BMP2K: variants seen among roughly 807,000 people sequenced by gnomAD.
BMP2K encodes the protein BMP2 inducible kinase.
Under a neutral mutation model 116.0 loss-of-function variants are expected in BMP2K, and 74 were observed. The ratio of observed to expected loss-of-function variants is 0.64; its 90% CI spans 0.53 to 0.77. The LOEUF (loss-of-function observed/expected upper bound fraction) is 0.77. BMP2K is among the 30% of genes least tolerant of loss of function. The pLI, the probability that BMP2K is intolerant of heterozygous loss-of-function variation, is 0.00. For missense variants in BMP2K, 1,365 were observed against 1,403.6 expected (o/e 0.97, Z 0.44); for synonymous variants, 486 against 502.5 (o/e 0.97, Z 0.44).
At chr4:78,801,805 A>G (rs1168200162) in intron 1 of BMP2K, among the ~76,000 whole-genome samples, 2 of 152,146 alleles carry the variant, frequency 1.3e-5, no homozygotes. Flanking sequence ...TCTCCTCTTG[A>G]GAGGATATGC....
At chr4:78,846,619 CTTA>C (rs1298594387) in intron 5 of BMP2K, among the ~76,000 whole-genome samples, 2 of 151,422 alleles carry the variant, frequency 1.3e-5, no homozygotes, top group East Asian at 3.9e-4. Flanking sequence ...TTCCAAATAG[CTTA>C]TTATGGCAGT....
At chr4:78,826,265 G>T in intron 2 of BMP2K, 110 bp downstream of exon 2, 2 of 768,046 alleles carry the variant, frequency 2.6e-6, no homozygotes, top group Non-Finnish European at 4.3e-6. Context: ...GCAGTGGCGT[G>T]ATCTCAGCTC....
intron 15 of BMP2K, among the ~76,000 whole-genome samples, chr4:78,897,187 G>C (rs951706527): frequency 7.0e-6 from 1 of 142,138 alleles, no homozygotes; most frequent in African/African-American, 3.1e-5. Context: ...TTAAGAAAAT[G>C]TTTTTTTGAT....
At chr4:78,786,037 C>T (rs952866482) in intron 1 of BMP2K, among the ~76,000 whole-genome samples, 1 of 152,158 alleles carries the variant, frequency 6.6e-6, no homozygotes, top group African/African-American at 2.4e-5. Flanking sequence ...ACTCTTACTC[C>T]CTACTTATAT....
chr4:78,884,427 G>A (rs1007342453), intron 14 of BMP2K, among the ~76,000 whole-genome samples: 2 of 152,148 alleles, frequency 1.3e-5, no homozygotes, highest in African/African-American at 4.8e-5. Context: ...TCAAGTCTAC[G>A]GTTGGGTCCA....
At chr4:78,820,181 A>C (rs1729546113) in intron 1 of BMP2K, among the ~76,000 whole-genome samples, 1 of 152,214 alleles carries the variant, frequency 6.6e-6, no homozygotes, top group Admixed American at 6.5e-5. Flanking sequence ...TATTTGGTAA[A>C]ATGCCATCAG....
At chr4:78,910,081 C>CA (rs1553922430) in intron 15 of BMP2K, among the ~76,000 whole-genome samples, 1 of 152,054 alleles carries the variant, frequency 6.6e-6, no homozygotes, top group Non-Finnish European at 1.5e-5. Context: ...TTGGTGAGGC[C>CA]ATTCATGCTA....
intron 15 of BMP2K, among the ~76,000 whole-genome samples, chr4:78,903,899 T>C (rs1577978874): frequency 6.6e-6 from 1 of 152,102 alleles, no homozygotes; most frequent in East Asian, 1.9e-4. Context: ...AGTTTAATTG[T>C]AGAATTTACA....
chr4:78,887,256 T>C lies in BMP2K; in HGVS notation c.2034T>C (p.Phe678=). 6.2e-7 allele frequency: 1 copy of C among 1,610,310 alleles called. No individual in the cohort carries two copies. The highest frequency in any genetic ancestry group is 8.5e-7 in the Non-Finnish European group (1 of 1,178,134). ...ATAACCATCCTCCAGAAGATCCTTTTGGTTCTGTTCCTTTCATTTCTCATT... is the reference window on the plus strand; with the variant it reads ...ATAACCATCCTCCAGAAGATCCTTTCGGTTCTGTTCCTTTCATTTCTCATT... ...APHNHPPEDP[F]GSVPFISHSG... The change falls in exon 15 of 16, where the codon TTT becomes TTC. Residue 678 remains phenylalanine (F), a synonymous_variant. Transcript: ENST00000502613.
At chr4:78,868,020 A>G (rs1247654746) in intron 10 of BMP2K, among the ~76,000 whole-genome samples, 4 of 152,262 alleles carry the variant, frequency 2.6e-5, no homozygotes, top group African/African-American at 7.2e-5. Flanking sequence ...AGATCATGCC[A>G]CTGCACTCCA....
At chr4:78,808,484 T>G (rs1487810889) in intron 1 of BMP2K, among the ~76,000 whole-genome samples, 1 of 152,076 alleles carries the variant, frequency 6.6e-6, no homozygotes, top group Admixed American at 6.5e-5. Flanking sequence ...GCCAGGATGG[T>G]CTCAATCTCC....
rs114536193 is a variant in BMP2K, at chr4:78,832,001, A to G, written c.298-1581A>G. 6.5e-3 allele frequency among the ~76,000 whole-genome samples: 983 copies of G among 152,272 alleles called. 8 individuals are homozygous for G. The highest frequency in any genetic ancestry group is 0.022 in the African/African-American group (930 of 41,564). ...GTTTTGTTGAGGTGAAATTCACATA[A>G]TTATAGCATCTTTATTTTTTATGGC... On this transcript the variant is annotated intron_variant, in intron 2 of 15. Coordinates refer to ENST00000502613, the MANE Select transcript of BMP2K (RefSeq NM_198892.2).
intron 15 of BMP2K, among the ~76,000 whole-genome samples, chr4:78,901,086 A>G (rs1284243456): frequency 6.6e-6 from 1 of 152,186 alleles, no homozygotes; most frequent in Non-Finnish European, 1.5e-5. Flanking sequence ...TCTGTTGCCC[A>G]GGCTGGAGTG....
intron 3 of BMP2K, among the ~76,000 whole-genome samples, chr4:78,839,945 C>T (rs1486632968): frequency 2.0e-5 from 3 of 152,144 alleles, no homozygotes; most frequent in African/African-American, 7.2e-5. Flanking sequence ...TTTGGGAACA[C>T]CCTCAAAGAC....
intron 10 of BMP2K, among the ~76,000 whole-genome samples, chr4:78,866,483 A>C (rs1732056536): frequency 6.6e-6 from 1 of 152,110 alleles, no homozygotes. Context: ...TTAGTAATAT[A>C]GCTTCTAAAA....
chr4:78,899,300 A>ATT (rs1733875835), intron 15 of BMP2K: 1 of 152,266 alleles, frequency 6.6e-6, no homozygotes, highest in African/African-American at 2.4e-5. Flanking sequence ...TGATTAGCAG[A>ATT]TTTTTGTTTC....
At position 78,832,600 on chromosome 4, in the gene BMP2K, TCTAA is replaced by T. The variant is rs1440353789; in HGVS notation, c.298-975_298-972del. The stretch of plus-strand genomic sequence containing the variant: ...TGATGGAGAAGCTTAGACTAAGTTC[TCTAA>T]CTAACTTGAGTCAAGATATTATAGT... On this transcript the variant is annotated intron_variant, in intron 2 of 15. Transcript: ENST00000502613. Among the ~76,000 whole-genome samples, 6 of 152,274 alleles carry T rather than the reference TCTAA, an allele frequency of 3.9e-5. No homozygotes were observed. The East Asian group carries it at 1.2e-3, about 29-fold the overall frequency.
chr4:78,811,452 T>C (rs2109973097), intron 1 of BMP2K, among the ~76,000 whole-genome samples: 1 of 152,328 alleles, frequency 6.6e-6, no homozygotes, highest in East Asian at 1.9e-4. Flanking sequence ...TAGATATTTG[T>C]AAATGAAAAC....
intron 14 of BMP2K, chr4:78,880,060 G>T (rs1023710832): frequency 1.3e-5 from 2 of 151,998 alleles, no homozygotes; most frequent in Non-Finnish European, 2.9e-5. Flanking sequence ...CCAAAAGCAA[G>T]ATTTTTTGTT....
Sources: gnomAD v4.1 joint callset for allele counts (sites outside exome capture counted in the v4.1 genomes callset) on GRCh38, gnomAD v4.1.1 for gene constraint, MANE v1.5 for transcripts, NCBI Gene and HGNC (gene_info 2026-07-23, HGNC 2026-07-21) for gene names.